Variants in FAF1 observed in about 807,000 individuals in gnomAD.
The protein encoded by FAF1 is FAS-associated factor 1.
Under a neutral mutation model 92.5 loss-of-function variants are expected in FAF1, and 25 were observed. That is an observed-to-expected ratio of 0.27 (90% CI 0.20 to 0.38). The LOEUF is 0.38. Among genes scored for constraint, FAF1 ranks in the 10% least tolerant of loss-of-function variants. The probability of loss-of-function intolerance (pLI) is 1.00; values close to 1 mark genes in which losing one functional copy is unlikely to be tolerated. For synonymous variants in FAF1, 234 were observed against 273.2 expected (o/e 0.86, Z 1.42); for missense variants, 636 against 793.3 (o/e 0.80, Z 2.38).
intron 1 of FAF1, among the ~76,000 whole-genome samples, chr1:50,901,292 G>T (rs576287468): frequency 6.6e-6 from 1 of 152,252 alleles, no homozygotes; most frequent in African/African-American, 2.4e-5. Context: ...CCCTTAAGGG[G>T]ATGGGGAAGA....
intron 9 of FAF1, among the ~76,000 whole-genome samples, chr1:50,594,568 T>G (rs1651695753): frequency 6.6e-6 from 1 of 150,856 alleles, no homozygotes; most frequent in Non-Finnish European, 1.5e-5. Flanking sequence ...TATAATATTC[T>G]TTAGGCTTGG....
At chr1:50,875,103 A>T (rs567500777) in intron 1 of FAF1, among the ~76,000 whole-genome samples, 5 of 151,786 alleles carry the variant, frequency 3.3e-5, no homozygotes, top group Admixed American at 2.6e-4. Flanking sequence ...AGAATACTGA[A>T]TTTTTTTGTT....
At position 50,693,519 on chromosome 1, in the gene FAF1, A is replaced by G. The variant is rs554405918; in HGVS notation, c.657+12267T>C. On this transcript the variant is annotated intron_variant, in intron 7 of 18. Coordinates refer to ENST00000396153, the MANE Select transcript of FAF1 (RefSeq NM_007051.3). ...ACATTTATTATCTCTCAATATTATA[A>G]AATCTTATGTATTAGAAAGCCTTGT... Among the ~76,000 whole-genome samples, 3 of 152,242 alleles carry G rather than the reference A, an allele frequency of 2.0e-5. No homozygotes were observed. In the East Asian group the frequency reaches 5.8e-4, roughly 29 times the overall value.
chr1:50,779,587 T>C (rs1198824206), intron 4 of FAF1, among the ~76,000 whole-genome samples: 2 of 151,356 alleles, frequency 1.3e-5, no homozygotes, highest in Non-Finnish European at 2.9e-5. Context: ...GAAAATTATA[T>C]ATAAAATACT....
chr1:50,500,951 ATAGT>A (rs1443819275), intron 15 of FAF1, among the ~76,000 whole-genome samples: 7 of 152,212 alleles, frequency 4.6e-5, no homozygotes, highest in African/African-American at 1.7e-4. Context: ...TTATCGTGAT[ATAGT>A]AAGAAATATT....
chr1:50,719,464 T>A (rs2124450907), intron 6 of FAF1, among the ~76,000 whole-genome samples: 1 of 152,356 alleles, frequency 6.6e-6, no homozygotes, highest in African/African-American at 2.4e-5. Flanking sequence ...TGGTTTCACA[T>A]AATTTCTAAT....
intron 12 of FAF1, among the ~76,000 whole-genome samples, chr1:50,582,067 G>A (rs1367223956): frequency 6.6e-6 from 1 of 152,118 alleles, no homozygotes; most frequent in African/African-American, 2.4e-5. Flanking sequence ...GGGGCCCAAA[G>A]TGACTTTTGG....
intron 1 of FAF1, among the ~76,000 whole-genome samples, chr1:50,860,764 C>T (rs1644425855): frequency 1.3e-5 from 2 of 151,398 alleles, no homozygotes; most frequent in Admixed American, 1.3e-4. Context: ...TTCATTGTAC[C>T]AAAAAGACAA....
intron 2 of FAF1, among the ~76,000 whole-genome samples, chr1:50,840,228 G>T (rs1051508024): frequency 6.6e-5 from 10 of 151,972 alleles, no homozygotes; most frequent in African/African-American, 2.2e-4. Flanking sequence ...GGATACGAAA[G>T]CATAAACAAT....
At chr1:50,779,991 GAC>G (rs57528056) in intron 4 of FAF1, among the ~76,000 whole-genome samples, 38,864 of 145,138 alleles carry the variant, frequency 0.27, 5,375 homozygotes, top group Middle Eastern at 0.43. Flanking sequence ...CAGACAGACA[GAC>G]ACACACACAC....
chr1:50,872,064 C>CAAAAA (rs200142842), intron 1 of FAF1, among the ~76,000 whole-genome samples: 6 of 65,518 alleles, frequency 9.2e-5, no homozygotes, highest in Non-Finnish European at 1.3e-4. Context: ...GACTCCATCT[C>CAAAAA]AAAAAAAAAA....
In FAF1 at chr1:50,508,051, T is replaced by C. The variant is rs1647082290; in HGVS notation, c.1495-16250A>G. ...AACCACAAACAAGATACCACCTTTA[T>C]ACCAGGATGACTTTTGTTTTTTAAA... On this transcript the variant is annotated intron_variant, in intron 15 of 18. Transcript: ENST00000396153. Among the ~76,000 whole-genome samples, 3 of 152,218 alleles carry C rather than the reference T, an allele frequency of 2.0e-5. No homozygotes were observed. The South Asian group carries it at 6.2e-4, about 32-fold the overall frequency.
intron 15 of FAF1, among the ~76,000 whole-genome samples, chr1:50,493,119 G>C (rs1572782764): frequency 1.3e-5 from 2 of 150,312 alleles, no homozygotes; most frequent in South Asian, 4.2e-4. Flanking sequence ...TGCACCTTCA[G>C]CCTCCTGGGT....
At chr1:50,796,951 T>G (rs1165341077) in intron 3 of FAF1, among the ~76,000 whole-genome samples, 1 of 152,012 alleles carries the variant, frequency 6.6e-6, no homozygotes, top group Non-Finnish European at 1.5e-5. Flanking sequence ...GCAACATGGC[T>G]GGGGCGAAAC....
intron 2 of FAF1, among the ~76,000 whole-genome samples, chr1:50,833,163 C>T (rs542174144): frequency 2.0e-5 from 3 of 152,118 alleles, no homozygotes; most frequent in African/African-American, 7.2e-5. Flanking sequence ...TAAAAGTCCA[C>T]AAGATTGCCC....
At chr1:50,575,159 C>T (rs1183501265) in intron 12 of FAF1, among the ~76,000 whole-genome samples, 2 of 152,084 alleles carry the variant, frequency 1.3e-5, no homozygotes, top group East Asian at 1.9e-4. Flanking sequence ...CCACCCGCCT[C>T]GGCCTCCCAA....
intron 2 of FAF1, among the ~76,000 whole-genome samples, chr1:50,855,100 T>G (rs1239948212): frequency 1.3e-5 from 2 of 151,844 alleles, no homozygotes; most frequent in African/African-American, 2.4e-5. Flanking sequence ...TATACCAAAA[T>G]CTGAAAAAAT....
At chr1:50,653,527 T>A (rs1654960646) in intron 8 of FAF1, among the ~76,000 whole-genome samples, 1 of 152,140 alleles carries the variant, frequency 6.6e-6, no homozygotes, top group Admixed American at 6.5e-5. Context: ...ATTTTGTATT[T>A]TTGGTAGAGA....
intron 8 of FAF1, among the ~76,000 whole-genome samples, chr1:50,616,312 G>A (rs755022332): frequency 9.9e-5 from 15 of 152,050 alleles, no homozygotes; most frequent in Non-Finnish European, 1.9e-4. Context: ...ATTGCTTTGG[G>A]TATTCAGGCT....
Sources: allele counts gnomAD v4.1 joint callset (sites outside exome capture counted in the v4.1 genomes callset), GRCh38; gene constraint gnomAD v4.1.1; transcripts MANE v1.5; gene names NCBI Gene and HGNC (gene_info 2026-07-23, HGNC 2026-07-21).